Variants in TNIK observed in about 807,000 individuals in gnomAD.
The protein encoded by TNIK is TRAF2 and NCK interacting kinase, also known as TRAF2 and NCK-interacting protein kinase.
In TNIK, 49 loss-of-function variants were observed where a neutral mutation model predicts 191.3. The observed-to-expected ratio is 0.26, with a 90% CI of 0.20 to 0.32. TNIK has a LOEUF of 0.32. TNIK is among the 10% of genes least tolerant of loss of function. The probability of loss-of-function intolerance (pLI) is 1.00; values close to 1 mark genes in which losing one functional copy is unlikely to be tolerated. For synonymous variants in TNIK, 594 were observed against 600.9 expected, an observed-to-expected ratio of 0.99 and a Z score of 0.17; for missense variants, 1,155 against 1,702.3, an observed-to-expected ratio of 0.68 and a Z score of 5.66.
chr3:171,194,365 C>T (rs1179594875), intron 5 of TNIK, among the ~76,000 whole-genome samples, 160 bp downstream of exon 5: 1 of 152,162 alleles, frequency 6.6e-6, no homozygotes, highest in Admixed American at 6.5e-5. Context: ...ACCAAACTAC[C>T]ACTACCACCA....
intron 1 of TNIK, among the ~76,000 whole-genome samples, chr3:171,380,051 A>G (rs1313495696): frequency 6.6e-6 from 1 of 151,966 alleles, no homozygotes; most frequent in South Asian, 2.1e-4. Flanking sequence ...ACACACACAC[A>G]CACACACGCA....
At chr3:171,101,042 G>A (rs1014078229) in intron 22 of TNIK, among the ~76,000 whole-genome samples, 1 of 152,076 alleles carries the variant, frequency 6.6e-6, no homozygotes, top group South Asian at 2.1e-4. Flanking sequence ...GGCAGTGGTG[G>A]TAATGAAATA....
At chr3:171,074,263 A>G (rs958359273) in intron 28 of TNIK, among the ~76,000 whole-genome samples, 3 of 152,178 alleles carry the variant, frequency 2.0e-5, no homozygotes, top group African/African-American at 7.2e-5. Flanking sequence ...AATAACCCAG[A>G]AACAGAAAGT....
At chr3:171,333,070 A>G (rs1756565916) in intron 2 of TNIK, among the ~76,000 whole-genome samples, 2 of 152,056 alleles carry the variant, frequency 1.3e-5, no homozygotes, top group African/African-American at 4.8e-5. Flanking sequence ...TACAGCCACA[A>G]CTCTTAGGGA....
At chr3:171,264,205 T>C (rs1474633937) in intron 2 of TNIK, among the ~76,000 whole-genome samples, 1 of 151,038 alleles carries the variant, frequency 6.6e-6, no homozygotes, top group Non-Finnish European at 1.5e-5. Context: ...AGAAATACTG[T>C]AATATATTTT....
In TNIK at chr3:171,084,170, A is replaced by G; in HGVS notation, c.3154T>C (p.Cys1052Arg). 1 of 1,612,156 alleles carries G rather than the reference A, an allele frequency of 6.2e-7. No homozygotes were observed. Among genetic ancestry groups the G allele is most frequent in the Non-Finnish European group, 8.5e-7 (1 of 1,179,324 alleles). The change falls in exon 26 of 33, where the codon TGT becomes CGT. Residue 1052 changes from cysteine to arginine, a missense_variant. By Grantham distance (180) the Cys-to-Arg change is radical (BLOSUM62 -3). This residue lies in a region of TNIK where 195 missense variants were observed against 415.4 expected (regional missense o/e 0.47). Transcript: ENST00000436636. ...ACCAACATACCCCACAGAGCTGCAC[A>G]AAGTATTTCTGAGTTGAATCGTTTC... ...YKKRFNSEIL[C>R]AALWGVNLLV... is the part of the protein sequence containing the mutation.
intron 3 of TNIK, among the ~76,000 whole-genome samples, chr3:171,220,538 A>T (rs1742170140): frequency 6.6e-6 from 1 of 152,156 alleles, no homozygotes; most frequent in Admixed American, 6.5e-5. Context: ...AATGAATATG[A>T]GGTGGGAAGT....
intron 1 of TNIK, among the ~76,000 whole-genome samples, chr3:171,422,768 T>C (rs1287626070): frequency 1.3e-5 from 2 of 152,202 alleles, no homozygotes; most frequent in African/African-American, 4.8e-5. Flanking sequence ...ATTCTCTTCA[T>C]TGATACAAAG....
At chr3:171,316,564 G>T (rs991914228) in intron 2 of TNIK, among the ~76,000 whole-genome samples, 2 of 152,116 alleles carry the variant, frequency 1.3e-5, no homozygotes, top group African/African-American at 2.4e-5. Flanking sequence ...AGGCAAGCTG[G>T]AGCAAAGAGT....
intron 4 of TNIK, among the ~76,000 whole-genome samples, chr3:171,199,454 A>T (rs1183468590): frequency 1.3e-5 from 2 of 152,242 alleles, no homozygotes; most frequent in African/African-American, 4.8e-5. Flanking sequence ...CAAAGAGTTT[A>T]TACTGGGATA....
At chr3:171,228,829 G>A (rs1335814002) in intron 2 of TNIK, among the ~76,000 whole-genome samples, 1 of 152,170 alleles carries the variant, frequency 6.6e-6, no homozygotes, top group Non-Finnish European at 1.5e-5. Flanking sequence ...CAACCACGTG[G>A]CAAAATCAGA....
At chr3:171,230,863 C>T (rs1560293875) in intron 2 of TNIK, among the ~76,000 whole-genome samples, 1 of 152,094 alleles carries the variant, frequency 6.6e-6, no homozygotes, top group Non-Finnish European at 1.5e-5. Flanking sequence ...CCTGTGGCTC[C>T]ATTTGCAGCC....
intron 4 of TNIK, among the ~76,000 whole-genome samples, chr3:171,201,017 G>C (rs559139145): frequency 4.6e-5 from 7 of 152,264 alleles, no homozygotes; most frequent in African/African-American, 1.7e-4. Context: ...GGGGTTGGAG[G>C]CAGGGGGCAG....
At chr3:171,181,969 G>T (rs918664710) in intron 7 of TNIK, among the ~76,000 whole-genome samples, 1 of 152,114 alleles carries the variant, frequency 6.6e-6, no homozygotes, top group Non-Finnish European at 1.5e-5. Flanking sequence ...AAGCAAGAAG[G>T]TTTAGGGAAA....
At chr3:171,408,376 T>G (rs75429087) in intron 1 of TNIK, among the ~76,000 whole-genome samples, 33 of 152,058 alleles carry the variant, frequency 2.2e-4, no homozygotes, top group African/African-American at 7.5e-4. Flanking sequence ...CGGTGGCTCA[T>G]TTAGCCATGA....
chr3:171,436,810 T>C (rs1726083556), intron 1 of TNIK, among the ~76,000 whole-genome samples: 1 of 152,178 alleles, frequency 6.6e-6, no homozygotes, highest in Non-Finnish European at 1.5e-5. Context: ...TTCAAAAGAC[T>C]GAGAACAGGT....
chr3:171,366,700 A>G lies in TNIK; in HGVS notation c.123+2920T>C, dbSNP rs1577654131. On this transcript the variant is annotated intron_variant, in intron 2 of 32. Coordinates refer to ENST00000436636, the MANE Select transcript of TNIK (RefSeq NM_015028.4). The surrounding 1 kb of genome is among the most constrained non-coding windows in gnomAD (Gnocchi z 4.1). ...AGGAATGCCAAAAGAGAGACTTTAA[A>G]AATTAAAATCAAAGGCTTAGCATTT... 6.6e-6 allele frequency among the ~76,000 whole-genome samples: 1 copy of G among 152,316 alleles called. No homozygotes were observed. Among genetic ancestry groups the G allele is most frequent in the East Asian group, 1.9e-4 (1 of 5,186 alleles).
At chr3:171,372,818 C>A (rs1716702529) in intron 1 of TNIK, among the ~76,000 whole-genome samples, 1 of 152,154 alleles carries the variant, frequency 6.6e-6, no homozygotes, top group Non-Finnish European at 1.5e-5. Flanking sequence ...ACTACAAGCA[C>A]CATGGCTAGA....
At chr3:171,191,490 G>A (rs1049906709) in intron 5 of TNIK, among the ~76,000 whole-genome samples, 5 of 152,084 alleles carry the variant, frequency 3.3e-5, no homozygotes, top group Non-Finnish European at 5.9e-5. Context: ...CATTCACTTC[G>A]GCCTCCCAAA....
Sources: gnomAD v4.1 joint callset for allele counts (sites outside exome capture counted in the v4.1 genomes callset) on GRCh38, gnomAD v4.1.1 for gene constraint, gnomAD v4.1.1 regional missense constraint, Gnocchi (gnomAD v3.1) non-coding constraint, MANE v1.5 for transcripts, NCBI Gene and HGNC (gene_info 2026-07-23, HGNC 2026-07-21) for gene names.